Variants in KCNIP3 observed in about 807,000 individuals in gnomAD.
KCNIP3 encodes the protein calsenilin.
KCNIP3 carries 28 observed loss-of-function variants against 35.0 expected under a neutral mutation model. The observed-to-expected ratio is 0.80, with a 90% confidence interval of 0.59 to 1.10. The LOEUF (loss-of-function observed/expected upper bound fraction) is 1.10, where lower values mean the gene tolerates loss of function less well. KCNIP3 is among the 50% of genes least tolerant of loss of function. KCNIP3 has a pLI of 0.00. For synonymous variants in KCNIP3, 134 were observed against 133.8 expected (o/e 1.00, Z -0.01); for missense variants, 295 against 338.4 (o/e 0.87, Z 1.01).
chr2:95,374,977 C>A, intron 4 of KCNIP3, 60 bp downstream of exon 4: 1 of 1,555,078 alleles, frequency 6.4e-7, no homozygotes, highest in Non-Finnish European at 8.9e-7. Flanking sequence ...GACCCTCCTG[C>A]TGCCCCTTGC....
intron 2 of KCNIP3, among the ~76,000 whole-genome samples, chr2:95,325,629 A>T (rs932384468): frequency 4.0e-5 from 6 of 149,266 alleles, no homozygotes; most frequent in African/African-American, 7.6e-5. Flanking sequence ...ACACACACTC[A>T]CACACACACA....
At chr2:95,371,658 A>C (rs1680044716) in intron 2 of KCNIP3, among the ~76,000 whole-genome samples, 1 of 152,132 alleles carries the variant, frequency 6.6e-6, no homozygotes, top group African/African-American at 2.4e-5. Context: ...TTCTCTCTTT[A>C]GTTCTGAATT....
At chr2:95,381,471 G>A (rs180784301) in intron 5 of KCNIP3, 125 bp from the exon 6 acceptor site, 96 of 678,142 alleles carry the variant, frequency 1.4e-4, no homozygotes, top group East Asian at 1.2e-3. Flanking sequence ...AATGGATGCC[G>A]TCAGTCTCTT....
At chr2:95,324,612 TA>T (rs202078419) in intron 2 of KCNIP3, among the ~76,000 whole-genome samples, 1 of 150,914 alleles carries the variant, frequency 6.6e-6, no homozygotes. Flanking sequence ...CTTTGCAAAA[TA>T]AAAAAAATGA....
intron 2 of KCNIP3, among the ~76,000 whole-genome samples, chr2:95,371,659 G>A (rs1468213533): frequency 6.6e-6 from 1 of 152,098 alleles, no homozygotes; most frequent in African/African-American, 2.4e-5. Flanking sequence ...TCTCTCTTTA[G>A]TTCTGAATTT....
chr2:95,352,447 G>A (rs1436407329), intron 2 of KCNIP3, among the ~76,000 whole-genome samples: 1 of 152,060 alleles, frequency 6.6e-6, no homozygotes, highest in Non-Finnish European at 1.5e-5. Context: ...GGCTGCTGAC[G>A]AGCTGGTTGT....
intron 2 of KCNIP3, among the ~76,000 whole-genome samples, chr2:95,340,239 G>A (rs888559554): frequency 2.6e-5 from 4 of 152,166 alleles, no homozygotes; most frequent in Admixed American, 1.3e-4. Context: ...CAGGAGGTGC[G>A]GCAGGAGAAT....
intron 6 of KCNIP3, 29 bp downstream of exon 6, chr2:95,381,732 C>T (rs560318500): frequency 7.2e-7 from 1 of 1,397,290 alleles, no homozygotes; most frequent in Admixed American, 1.7e-5. Flanking sequence ...CAGGGATTGT[C>T]CCCTCCTCCC....
intron 2 of KCNIP3, among the ~76,000 whole-genome samples, chr2:95,374,050 G>T (rs141829995): frequency 7.7e-4 from 118 of 152,356 alleles, no homozygotes; most frequent in Non-Finnish European, 1.5e-3. Context: ...TGACAGGGGG[G>T]CACACTGCAG....
intron 2 of KCNIP3, among the ~76,000 whole-genome samples, chr2:95,356,918 C>T (rs912231359): frequency 6.6e-6 from 1 of 152,198 alleles, no homozygotes; most frequent in Non-Finnish European, 1.5e-5. Context: ...ATGCATGTGG[C>T]CCACACTTGG....
At chr2:95,337,738 CT>C (rs1047895668) in intron 2 of KCNIP3, among the ~76,000 whole-genome samples, 5 of 152,246 alleles carry the variant, frequency 3.3e-5, no homozygotes, top group African/African-American at 9.6e-5. Context: ...TTACTTCCCC[CT>C]GATGATGTCC....
intron 2 of KCNIP3, among the ~76,000 whole-genome samples, chr2:95,357,497 C>T (rs1264551732): frequency 6.6e-6 from 1 of 152,128 alleles, no homozygotes; most frequent in Non-Finnish European, 1.5e-5. Flanking sequence ...AGGAGCTGAG[C>T]TCCGGTCGTC....
At chr2:95,355,350 A>G (rs954986682) in intron 2 of KCNIP3, 1 of 151,996 alleles carries the variant, frequency 6.6e-6, no homozygotes, top group Non-Finnish European at 1.5e-5. Context: ...TTTTTTAATT[A>G]TTATTATTAT....
chr2:95,344,269 C>T (rs1306112701), intron 2 of KCNIP3, among the ~76,000 whole-genome samples: 3 of 100,526 alleles, frequency 3.0e-5, no homozygotes, highest in South Asian at 3.2e-4. Context: ...TCATGGGTGG[C>T]GGGGTGGGGG....
intron 2 of KCNIP3, among the ~76,000 whole-genome samples, chr2:95,336,416 AACT>A (rs926537734): frequency 6.6e-6 from 1 of 152,240 alleles, no homozygotes; most frequent in Non-Finnish European, 1.5e-5. Context: ...TTAAATTTTA[AACT>A]ACATCTTTTC....
At chr2:95,308,703 G>A (rs1678239772) in intron 1 of KCNIP3, among the ~76,000 whole-genome samples, 1 of 152,266 alleles carries the variant, frequency 6.6e-6, no homozygotes, top group East Asian at 1.9e-4. Flanking sequence ...CTCTGATCTC[G>A]TCTGCTTTCC....
chr2:95,370,840 A>C (rs1431376462), intron 2 of KCNIP3, among the ~76,000 whole-genome samples: 2 of 152,066 alleles, frequency 1.3e-5, no homozygotes, highest in South Asian at 2.1e-4. Flanking sequence ...GCTCACTGCA[A>C]TCTCCAACCT....
chr2:95,383,097 T>A, intron 7 of KCNIP3, 135 bp from the exon 8 acceptor site: 1 of 755,168 alleles, frequency 1.3e-6, no homozygotes, highest in Non-Finnish European at 2.3e-6. Context: ...AGGGGACAAG[T>A]TAGAGTGGAG....
chr2:95,302,805 C>G (rs1002555228), intron 1 of KCNIP3, among the ~76,000 whole-genome samples: 1 of 152,198 alleles, frequency 6.6e-6, no homozygotes, highest in African/African-American at 2.4e-5. Flanking sequence ...CACCTGCCTT[C>G]GATCTCCTGC....
Sources: gnomAD v4.1 joint callset for allele counts (sites outside exome capture counted in the v4.1 genomes callset) on GRCh38, gnomAD v4.1.1 for gene constraint, MANE v1.5 for transcripts, NCBI Gene and HGNC (gene_info 2026-07-23, HGNC 2026-07-21) for gene names.